The following CHKA variants were observed in gnomAD, a reference collection of about 807,000 sequenced individuals.
The protein encoded by CHKA is CHETK-alpha.
CHKA carries 34 observed loss-of-function variants against 60.1 expected under a neutral mutation model. The observed-to-expected ratio is 0.57, with a 90% confidence interval of 0.43 to 0.75. CHKA has a LOEUF of 0.75. CHKA is among the 30% of genes least tolerant of loss of function. The pLI is 0.00. For missense variants in CHKA, 563 were observed against 561.3 expected (o/e 1.00, Z -0.03); for synonymous variants, 217 against 223.1 (o/e 0.97, Z 0.24).
chr11:68,072,633 C>T (rs1185421805), intron 4 of CHKA, among the ~76,000 whole-genome samples: 1 of 150,468 alleles, frequency 6.6e-6, no homozygotes, highest in Non-Finnish European at 1.5e-5. Context: ...TCTTGTTGGT[C>T]AAAAACAGTC....
chr11:68,100,679 A>G (rs1590873270), intron 1 of CHKA, among the ~76,000 whole-genome samples: 2 of 151,488 alleles, frequency 1.3e-5, no homozygotes, highest in East Asian at 3.9e-4. Context: ...AATAAATTTA[A>G]ATATATATAT....
intron 1 of CHKA, among the ~76,000 whole-genome samples, chr11:68,103,458 A>G (rs1857799809): frequency 6.6e-6 from 1 of 152,218 alleles, no homozygotes; most frequent in African/African-American, 2.4e-5. Context: ...ATAAAAGATA[A>G]CAAACGTTGA....
At chr11:68,116,212 T>C (rs1467050768) in intron 1 of CHKA, among the ~76,000 whole-genome samples, 1 of 152,210 alleles carries the variant, frequency 6.6e-6, no homozygotes, top group Non-Finnish European at 1.5e-5. Flanking sequence ...CATGAAATCT[T>C]GTATCCTTCA....
intron 3 of CHKA, among the ~76,000 whole-genome samples, chr11:68,077,167 G>A (rs1856820290): frequency 6.6e-6 from 1 of 151,516 alleles, no homozygotes; most frequent in Admixed American, 6.6e-5. Context: ...CTGAACATGG[G>A]AGGCAGAGGT....
intron 1 of CHKA, among the ~76,000 whole-genome samples, chr11:68,116,927 T>C (rs1183288245): frequency 6.6e-6 from 1 of 152,134 alleles, no homozygotes; most frequent in Non-Finnish European, 1.5e-5. Context: ...TCTCCGTTCA[T>C]CACACAGCAA....
Position 68,120,872 on chromosome 11 carries a change from G to A in CHKA, c.306C>T (p.Ala102=), listed in dbSNP as rs775913487. The A allele has an allele frequency of 3.0e-5, 41 of 1,357,200 alleles. No individual in the cohort carries two copies. Among genetic ancestry groups the A allele is most frequent in the Non-Finnish European group, 3.7e-5 (39 of 1,040,950 alleles). The allele number at this position is 1,357,200 out of a possible 1,614,324, so 84.1% of individuals were successfully genotyped here. Residue 102 remains alanine, a synonymous_variant, in exon 1 of 12, where the codon GCC becomes GCT. Transcript: ENST00000265689. Reference sequence around the variant, plus strand: ...ACTCGTCCTCGCGGAGGCCCCGCCAGGCGCCGGGCAGGAACTCCTTGCACC... The same window carrying A: ...ACTCGTCCTCGCGGAGGCCCCGCCAAGCGCCGGGCAGGAACTCCTTGCACC... The part of the protein sequence containing the change: ...YLWCKEFLPG[A]WRGLREDEFH...
At chr11:68,085,049 G>C (rs1857136759) in intron 2 of CHKA, among the ~76,000 whole-genome samples, 1 of 152,056 alleles carries the variant, frequency 6.6e-6, no homozygotes. Context: ...TATTGCCACT[G>C]GCTTCCTCCC....
chr11:68,102,984 A>AT (rs943868890), intron 1 of CHKA, among the ~76,000 whole-genome samples: 8 of 151,300 alleles, frequency 5.3e-5, no homozygotes, highest in East Asian at 2.0e-4. Context: ...AAAAAAAAAA[A>AT]ATATATTTGC....
intron 11 of CHKA, among the ~76,000 whole-genome samples, chr11:68,060,736 T>C (rs772366360): frequency 6.6e-6 from 1 of 152,268 alleles, no homozygotes; most frequent in African/African-American, 2.4e-5. Flanking sequence ...GCCTTTATTA[T>C]CACAAAATGC....
chr11:68,079,822 A>G (rs909767443), intron 3 of CHKA, among the ~76,000 whole-genome samples: 5 of 152,214 alleles, frequency 3.3e-5, no homozygotes, highest in African/African-American at 1.2e-4. Context: ...AGTCGAGGTC[A>G]GGGCTGGAGG....
chr11:68,098,571 A>C (rs547452862), intron 1 of CHKA, among the ~76,000 whole-genome samples: 2 of 152,308 alleles, frequency 1.3e-5, no homozygotes, highest in South Asian at 4.1e-4. Context: ...CATTCTGGAG[A>C]CGGATGGTGG....
chr11:68,054,352 C>T (rs1855922312), intron 11 of CHKA, among the ~76,000 whole-genome samples: 1 of 152,248 alleles, frequency 6.6e-6, no homozygotes. Flanking sequence ...TGCTACCATT[C>T]ATCACCTTGC....
intron 9 of CHKA, 110 bp downstream of exon 9, chr11:68,065,676 G>A (rs1161485618): frequency 2.7e-6 from 2 of 752,798 alleles, no homozygotes; most frequent in Non-Finnish European, 4.5e-6. Flanking sequence ...ACTCCAGCCT[G>A]GGAAACAGAG....
intron 7 of CHKA, among the ~76,000 whole-genome samples, chr11:68,067,212 G>A (rs1252052326): frequency 6.6e-6 from 1 of 152,214 alleles, no homozygotes; most frequent in African/African-American, 2.4e-5. Context: ...CCTTCGCTAG[G>A]TTTTCAGCAG....
rs1855864682 is a variant in CHKA at position 68,053,220 on chromosome 11, G to A, written c.*768C>T. The A allele has an allele frequency of 6.5e-6, 1 of 152,730 alleles. No homozygotes were observed. 9.5% of individuals were successfully genotyped at this position (152,730 alleles called of 1,614,324 possible). On this transcript the variant is annotated 3_prime_UTR_variant, in exon 12 of 12. Coordinates refer to ENST00000265689, the MANE Select transcript of CHKA (RefSeq NM_001277.3). ...CTAGGTCAAGCAGCTGGCTCCCCTG[G>A]GAGGGGAGCCGGGAGACAGGGAGGT...
intron 1 of CHKA, among the ~76,000 whole-genome samples, chr11:68,113,749 C>T (rs1452476002): frequency 1.3e-5 from 2 of 151,954 alleles, no homozygotes; most frequent in Non-Finnish European, 2.9e-5. Flanking sequence ...AATCCCAGCA[C>T]TTTGGGAGGC....
At chr11:68,089,729 T>A (rs1187194232) in intron 2 of CHKA, 1 of 152,200 alleles carries the variant, frequency 6.6e-6, no homozygotes, top group Admixed American at 6.5e-5. Flanking sequence ...ATTACAACTT[T>A]CTTTTTTAAA....
At chr11:68,066,540 G>C (rs762435611) in intron 7 of CHKA, 24 bp from the exon 8 acceptor site, 1 of 1,580,954 alleles carries the variant, frequency 6.3e-7, no homozygotes. Context: ...GGATAACATG[G>C]TTTATGTTTT....
At position 68,121,319 on chromosome 11, in the gene CHKA, G is replaced by T. The variant is rs185636134; in HGVS notation, c.-142C>A. On this transcript the variant is annotated 5_prime_UTR_variant, in exon 1 of 12. Transcript: ENST00000265689. The stretch of plus-strand genomic sequence containing the variant: ...GCGGCGGTTGGGCGCGCGGGGCGGC[G>T]GCGGCGGCTGCGGCGACTGCGGCGA... The T allele has an allele frequency of 5.0e-5, 16 of 319,060 alleles. No individual in the cohort carries two copies. The East Asian group carries it at 1.2e-3, about 25-fold the overall frequency. 19.8% of individuals were successfully genotyped at this position (319,060 alleles called of 1,614,324 possible).
Sources: allele counts gnomAD v4.1 joint callset (sites outside exome capture counted in the v4.1 genomes callset), GRCh38; gene constraint gnomAD v4.1.1; transcripts MANE v1.5; gene names NCBI Gene and HGNC (gene_info 2026-07-23, HGNC 2026-07-21).